EGFR: variants seen among roughly 807,000 people sequenced by gnomAD.
EGFR encodes avian erythroblastic leukemia viral (v-erb-b) oncogene homolog.
A neutral mutation model predicts 143.0 loss-of-function variants in EGFR; 58 were observed. The observed-to-expected ratio is 0.41, with a 90% confidence interval of 0.33 to 0.50. The LOEUF (loss-of-function observed/expected upper bound fraction) is 0.50, where lower values mean the gene tolerates loss of function less well. Ranked by LOEUF, EGFR falls within the 20% of genes least tolerant of loss-of-function variation. EGFR has a pLI of 0.39. For synonymous variants in EGFR, 613 were observed against 594.4 expected (o/e 1.03, Z -0.45); for missense variants, 1,307 against 1,579.0 (o/e 0.83, Z 2.92).
intron 19 of EGFR, among the ~76,000 whole-genome samples, chr7:55,178,136 G>A (rs1176198665): frequency 6.6e-6 from 1 of 152,212 alleles, no homozygotes; most frequent in African/African-American, 2.4e-5. Context: ...AAACTGCTCT[G>A]GTTTGCAGAT....
rs201364864 is a variant in EGFR at position 55,157,731 on chromosome 7, A to G, written c.1276A>G (p.Ile426Val). ...CCATGCCTTTGAGAACCTAGAAATCATACGCGGCAGGACCAAGCAACAGTA... is the reference window on the plus strand; with the variant it reads ...CCATGCCTTTGAGAACCTAGAAATCGTACGCGGCAGGACCAAGCAACAGTA... ...DLHAFENLEI[I>V]RGRTKQHGQF... Residue 426 changes from isoleucine (I) to valine (V), a missense_variant, in exon 11 of 28, where the codon ATA becomes GTA. Coordinates refer to ENST00000275493, the MANE Select transcript of EGFR (RefSeq NM_005228.5). The G allele has an allele frequency of 6.2e-7, 1 of 1,614,252 alleles. No homozygotes were observed. Among genetic ancestry groups the G allele is most frequent in the Middle Eastern group, 1.6e-4 (1 of 6,062 alleles).
chr7:55,149,364 G>A (rs1794917740), intron 4 of EGFR, among the ~76,000 whole-genome samples: 1 of 151,200 alleles, frequency 6.6e-6, no homozygotes, highest in African/African-American at 2.5e-5. Flanking sequence ...CTCTCTTTCT[G>A]TCACACACAC....
chr7:55,168,607 C>G (rs2128949554), intron 15 of EGFR: 1 of 1,602,852 alleles, frequency 6.2e-7, no homozygotes, highest in Non-Finnish European at 8.5e-7. Flanking sequence ...CCCTTTGCTT[C>G]AAATAAAGTC....
At chr7:55,089,191 T>C (rs1790952429) in intron 1 of EGFR, among the ~76,000 whole-genome samples, 1 of 152,218 alleles carries the variant, frequency 6.6e-6, no homozygotes, top group South Asian at 2.1e-4. Context: ...TGAGAGCTTT[T>C]TGAACTGAAG....
chr7:55,019,299 G>C lies in EGFR; in HGVS notation c.22G>C (p.Gly8Arg), dbSNP rs754259847. Residue 8 changes from glycine (G) to arginine (R), a missense_variant, in exon 1 of 28, where the codon GGG becomes CGG. By Grantham distance (125) the Gly-to-Arg change is moderately radical. Coordinates refer to ENST00000275493, the MANE Select transcript of EGFR (RefSeq NM_005228.5). ...AGCGATGCGACCCTCCGGGACGGCC[G>C]GGGCAGCGCTCCTGGCGCTGCTGGC... The part of the protein sequence containing the change: MRPSGTA[G>R]AALLALLAAL... 7 of 1,512,326 alleles carry C rather than the reference G, an allele frequency of 4.6e-6. No homozygotes were observed. The highest frequency in any genetic ancestry group is 6.2e-6 in the Non-Finnish European group (7 of 1,125,836). 93.7% of individuals were successfully genotyped at this position (1,512,326 alleles called of 1,614,324 possible). A position where few individuals can be genotyped will look rare whatever the true frequency, so the allele number is the denominator to read the frequency against.
In EGFR at chr7:55,160,292, C is replaced by T. The variant is rs568681121; in HGVS notation, c.1452C>T (p.Ser484=). 36 of 1,613,786 alleles carry T rather than the reference C, an allele frequency of 2.2e-5. No individual in the cohort carries two copies. In the East Asian group the frequency reaches 3.1e-4, roughly 14 times the overall value. Residue 484 remains serine (S), a synonymous_variant, in exon 12 of 28, where the codon TCC becomes TCT. Transcript: ENST00000275493. The part of the protein sequence containing the change: ...TINWKKLFGT[S]GQKTKIISNR... ...ACTGGAAAAAACTGTTTGGGACCTC[C>T]GGTCAGAAAACCAAAATTATAAGCA... is the stretch of plus-strand genomic sequence containing the variant.
intron 1 of EGFR, among the ~76,000 whole-genome samples, chr7:55,112,520 AG>A (rs1413094195): frequency 1.3e-5 from 2 of 152,224 alleles, no homozygotes; most frequent in African/African-American, 4.8e-5. Context: ...TGGTGTGGCC[AG>A]GGGCTGATCT....
chr7:55,025,086 T>C (rs2128858333), intron 1 of EGFR, among the ~76,000 whole-genome samples: 1 of 152,318 alleles, frequency 6.6e-6, no homozygotes, highest in Non-Finnish European at 1.5e-5. Flanking sequence ...AAGGAATAAA[T>C]GGTAAGGCTA....
intron 1 of EGFR, among the ~76,000 whole-genome samples, chr7:55,126,329 G>A (rs189102885): frequency 2.0e-5 from 3 of 152,322 alleles, no homozygotes; most frequent in African/African-American, 4.8e-5. Flanking sequence ...ATCCTAAAAG[G>A]ACGATGACAA....
chr7:55,161,744 T>A, intron 13 of EGFR, 113 bp downstream of exon 13: 1 of 1,572,620 alleles, frequency 6.4e-7, no homozygotes, highest in East Asian at 2.2e-5. Flanking sequence ...TTCTTTGCCC[T>A]TGGCTTTTGG....
intron 1 of EGFR, among the ~76,000 whole-genome samples, chr7:55,044,972 A>C (rs984851959): frequency 1.3e-5 from 2 of 152,174 alleles, no homozygotes; most frequent in Admixed American, 6.5e-5. Context: ...GCTCCGTGAA[A>C]GTCCTGATGC....
rs183811145 is a variant in EGFR, at chr7:55,157,786, A to G, written c.1298+33A>G. 15 of 1,608,074 alleles carry G rather than the reference A, an allele frequency of 9.3e-6. No homozygotes were observed. In the South Asian group the frequency reaches 9.9e-5, roughly 11 times the overall value. Reference sequence around the variant, plus strand: ...GACCACAGCCAAAGCCTGGTAGATTACATTTGCCTTTTTAGTTGGAAATTA... The same window carrying G: ...GACCACAGCCAAAGCCTGGTAGATTGCATTTGCCTTTTTAGTTGGAAATTA... On this transcript the variant is annotated intron_variant, in intron 11 of 27. Transcript: ENST00000275493.
At position 55,059,606 on chromosome 7, in the gene EGFR, C is replaced by T. The variant is rs76048572; in HGVS notation, c.88+40241C>T. 6.1e-3 allele frequency among the ~76,000 whole-genome samples: 932 copies of T among 152,182 alleles called. 9 individuals are homozygous for T. The highest frequency in any genetic ancestry group is 0.021 in the African/African-American group (871 of 41,520). ...GTCGTCTCCTGGCCCTACAAGTCCC[C>T]TCCTTCCCCACCTGCTCACTCCTCC... On this transcript the variant is annotated intron_variant, in intron 1 of 27. Coordinates refer to ENST00000275493, the MANE Select transcript of EGFR (RefSeq NM_005228.5).
chr7:55,111,335 C>T (rs1033406609), intron 1 of EGFR, among the ~76,000 whole-genome samples: 8 of 151,366 alleles, frequency 5.3e-5, no homozygotes, highest in Non-Finnish European at 1.0e-4. Context: ...AGCTGCCCAG[C>T]GAGGCAGGTT....
chr7:55,109,352 A>T (rs1178642210), intron 1 of EGFR, among the ~76,000 whole-genome samples: 1 of 152,190 alleles, frequency 6.6e-6, no homozygotes, highest in East Asian at 1.9e-4. Flanking sequence ...AATTTTAAGG[A>T]CTATCTACAG....
At chr7:55,198,540 C>G (rs569167604) in intron 22 of EGFR, among the ~76,000 whole-genome samples, 177 bp from the exon 23 acceptor site, 1 of 152,186 alleles carries the variant, frequency 6.6e-6, no homozygotes, top group African/African-American at 2.4e-5. Flanking sequence ...ACTGCTATTA[C>G]CCCACTTTAT....
At chr7:55,181,142 CT>C in intron 19 of EGFR, 150 bp from the exon 20 acceptor site, 1 of 977,154 alleles carries the variant, frequency 1.0e-6, no homozygotes, top group South Asian at 1.4e-5. Context: ...CGTCCCTGTG[CT>C]AGGTCTTTTG....
At chr7:55,126,213 C>T (rs1189347025) in intron 1 of EGFR, among the ~76,000 whole-genome samples, 1 of 152,174 alleles carries the variant, frequency 6.6e-6, no homozygotes, top group Non-Finnish European at 1.5e-5. Flanking sequence ...TGTGATGATT[C>T]AGTGAATGTC....
At chr7:55,065,830 C>T (rs1419578204) in intron 1 of EGFR, among the ~76,000 whole-genome samples, 15 of 120,458 alleles carry the variant, frequency 1.2e-4, no homozygotes, top group South Asian at 2.9e-4. Flanking sequence ...GACTAAGTGG[C>T]TTTTTTTTTT....
Sources: allele counts gnomAD v4.1 joint callset (sites outside exome capture counted in the v4.1 genomes callset), GRCh38; gene constraint gnomAD v4.1.1; transcripts MANE v1.5; gene names NCBI Gene and HGNC (gene_info 2026-07-23, HGNC 2026-07-21).